KAZN: variants seen among roughly 807,000 people sequenced by gnomAD.
The protein encoded by KAZN is kazrin.
In KAZN, 40 loss-of-function variants were observed where a neutral mutation model predicts 87.4. That is an observed-to-expected ratio of 0.46 (90% CI 0.36 to 0.60). KAZN has a LOEUF of 0.60. Ranked by LOEUF, KAZN falls within the 20% of genes least tolerant of loss-of-function variation. The pLI, the probability that KAZN is intolerant of heterozygous loss-of-function variation, is 0.00. For synonymous variants in KAZN, 466 were observed against 458.3 expected (o/e 1.02, Z -0.22); for missense variants, 898 against 1,073.9 (o/e 0.84, Z 2.29).
At chr1:13,972,805 T>C (rs1482438265) in intron 1 of KAZN, among the ~76,000 whole-genome samples, 1 of 152,240 alleles carries the variant, frequency 6.6e-6, no homozygotes, top group Non-Finnish European at 1.5e-5. Context: ...TTTGGGAAAG[T>C]AATTTCCTTT....
intron 1 of KAZN, among the ~76,000 whole-genome samples, chr1:13,922,461 G>A (rs562828929): frequency 6.6e-5 from 10 of 152,276 alleles, no homozygotes; most frequent in South Asian, 4.2e-4. Context: ...TCTTGTGGTC[G>A]CATTTCTATC....
intron 2 of KAZN, among the ~76,000 whole-genome samples, chr1:14,519,304 GC>G (rs1224374130): frequency 6.6e-6 from 1 of 152,204 alleles, no homozygotes; most frequent in East Asian, 1.9e-4. Flanking sequence ...GCAACCCTCT[GC>G]TTTGCTTTAG....
intron 2 of KAZN, among the ~76,000 whole-genome samples, chr1:14,378,908 T>C (rs1477600106): frequency 6.6e-6 from 1 of 151,670 alleles, no homozygotes; most frequent in African/African-American, 2.4e-5. Flanking sequence ...AGACAACAGC[T>C]GGGACAGCTA....
At chr1:14,281,675 C>T (rs1258624178) in intron 2 of KAZN, among the ~76,000 whole-genome samples, 1 of 152,142 alleles carries the variant, frequency 6.6e-6, no homozygotes, top group Admixed American at 6.5e-5. Context: ...GTTCTGGAGT[C>T]CTATGTTATT....
At chr1:13,979,485 C>G (rs1430143589) in intron 1 of KAZN, among the ~76,000 whole-genome samples, 1 of 152,088 alleles carries the variant, frequency 6.6e-6, no homozygotes, top group East Asian at 1.9e-4. Flanking sequence ...AAAACAAAAA[C>G]TGGACTGCAC....
At chr1:14,527,564 AAC>A (rs1553184273) in intron 2 of KAZN, among the ~76,000 whole-genome samples, 3 of 151,718 alleles carry the variant, frequency 2.0e-5, no homozygotes, top group Non-Finnish European at 4.4e-5. Context: ...AAAAAAAAAA[AAC>A]GATACAGGTT....
chr1:14,483,178 C>T (rs529015210), intron 2 of KAZN, among the ~76,000 whole-genome samples: 2 of 152,264 alleles, frequency 1.3e-5, no homozygotes, highest in South Asian at 4.2e-4. Context: ...TATCTTCCAA[C>T]AATAAAACCC....
chr1:14,830,545 G>A (rs1249506481), intron 1 of KAZN, among the ~76,000 whole-genome samples: 1 of 152,126 alleles, frequency 6.6e-6, no homozygotes, highest in East Asian at 1.9e-4. Flanking sequence ...AGGTTTAATT[G>A]ACCCACAGTT....
At chr1:14,015,459 C>CGTTTTTTT (rs1640518851) in intron 1 of KAZN, among the ~76,000 whole-genome samples, 1 of 25,066 alleles carries the variant, frequency 4.0e-5, no homozygotes, top group African/African-American at 1.1e-4. Flanking sequence ...GTTACATCTA[C>CGTTTTTTT]TTTTTTTTTT....
At chr1:14,068,237 G>A (rs563268003) in intron 1 of KAZN, among the ~76,000 whole-genome samples, 65 of 152,278 alleles carry the variant, frequency 4.3e-4, no homozygotes, top group Non-Finnish European at 8.7e-4. Flanking sequence ...TTAGAGACAA[G>A]GGTGTCCCTA....
intron 1 of KAZN, among the ~76,000 whole-genome samples, chr1:14,906,446 T>C (rs938003406): frequency 1.3e-5 from 2 of 151,960 alleles, no homozygotes; most frequent in Non-Finnish European, 2.9e-5. Flanking sequence ...AGGAGCTTGC[T>C]GGGTCATGAG....
intron 1 of KAZN, among the ~76,000 whole-genome samples, chr1:14,140,941 G>A (rs1307637512): frequency 2.6e-5 from 4 of 152,208 alleles, no homozygotes; most frequent in East Asian, 1.9e-4. Context: ...TCTGCATCTC[G>A]CCTGCCAAGA....
At chr1:13,978,366 G>A (rs1296530105) in intron 1 of KAZN, among the ~76,000 whole-genome samples, 1 of 151,744 alleles carries the variant, frequency 6.6e-6, no homozygotes, top group Non-Finnish European at 1.5e-5. Context: ...AAGATCTATA[G>A]TGATCCCAAT....
chr1:14,934,770 T>C (rs1345789373), intron 1 of KAZN, among the ~76,000 whole-genome samples: 1 of 152,186 alleles, frequency 6.6e-6, no homozygotes, highest in Non-Finnish European at 1.5e-5. Flanking sequence ...CTGGCCAGTA[T>C]CCATCTAAAT....
At chr1:14,584,871 G>A (rs542165357) in intron 2 of KAZN, among the ~76,000 whole-genome samples, 7 of 152,146 alleles carry the variant, frequency 4.6e-5, no homozygotes, top group Non-Finnish European at 1.0e-4. Flanking sequence ...TCAAACTCCC[G>A]ACCTCTGGTG....
chr1:14,450,124 C>CT (rs1033610589), intron 2 of KAZN, among the ~76,000 whole-genome samples: 1 of 150,412 alleles, frequency 6.6e-6, no homozygotes, highest in African/African-American at 2.4e-5. Flanking sequence ...AGTGCTGCCC[C>CT]CCCGCCTGCA....
At chr1:14,574,958 C>T (rs1675090075) in intron 2 of KAZN, among the ~76,000 whole-genome samples, 1 of 152,158 alleles carries the variant, frequency 6.6e-6, no homozygotes, top group African/African-American at 2.4e-5. Flanking sequence ...GAGGAAGATA[C>T]AGCCAGGTGA....
chr1:14,307,113 A>T (rs1654983730), intron 2 of KAZN, among the ~76,000 whole-genome samples: 1 of 151,918 alleles, frequency 6.6e-6, no homozygotes, highest in African/African-American at 2.4e-5. Context: ...AGTGATGTTG[A>T]CCCTTCGTGG....
Position 15,077,567 on chromosome 1 carries a change from G to A in KAZN, c.1222+11814G>A, listed in dbSNP as rs146180434. Among the ~76,000 whole-genome samples, 1,160 of 152,308 alleles carry A rather than the reference G, an allele frequency of 7.6e-3. 6 individuals carry two copies. Among genetic ancestry groups the A allele is most frequent in the Middle Eastern group, 0.041 (12 of 294 alleles). On this transcript the variant is annotated intron_variant, in intron 8 of 14. Transcript: ENST00000376030. The surrounding 1 kb of genome is among the most constrained non-coding windows in gnomAD (Gnocchi z 4.8). ...TGAGCTCCACCGCTCCTCCGCAAGG[G>A]CTACACAGGACCAGGTCAGCTGCTT...
Sources: gnomAD v4.1 joint callset for allele counts (sites outside exome capture counted in the v4.1 genomes callset) on GRCh38, gnomAD v4.1.1 for gene constraint, Gnocchi (gnomAD v3.1) non-coding constraint, MANE v1.5 for transcripts, NCBI Gene and HGNC (gene_info 2026-07-23, HGNC 2026-07-21) for gene names.